Variants in RBM48 observed in about 807,000 individuals in gnomAD.
RBM48 encodes RNA-binding protein 48.
A neutral mutation model predicts 34.8 loss-of-function variants in RBM48; 32 were observed. The observed-to-expected ratio is 0.92, with a 90% CI of 0.69 to 1.23. RBM48 has a LOEUF of 1.23. Among genes scored for constraint, RBM48 ranks in the 50% most tolerant of loss-of-function variants. The probability of loss-of-function intolerance (pLI) is 0.00; values close to 1 mark genes in which losing one functional copy is unlikely to be tolerated. For synonymous variants in RBM48, 151 were observed against 156.2 expected, an observed-to-expected ratio of 0.97 and a Z score of 0.25; for missense variants, 441 against 447.2, an observed-to-expected ratio of 0.99 and a Z score of 0.12.
chr7:92,531,215 ACTT>A (rs1244444935), intron 2 of RBM48, among the ~76,000 whole-genome samples: 3 of 152,170 alleles, frequency 2.0e-5, no homozygotes, highest in Admixed American at 6.5e-5. Context: ...GGACCTATCT[ACTT>A]CTTGGGGTTG....
At chr7:92,534,083 AG>A in intron 3 of RBM48, among the ~76,000 whole-genome samples, 1 of 152,244 alleles carries the variant, frequency 6.6e-6, no homozygotes, top group East Asian at 1.9e-4. Flanking sequence ...GTTATCTTAA[AG>A]TGGGGAGAAA....
intron 3 of RBM48, among the ~76,000 whole-genome samples, chr7:92,533,156 G>A (rs1793617521): frequency 6.6e-6 from 1 of 152,210 alleles, no homozygotes; most frequent in East Asian, 1.9e-4. Flanking sequence ...AATAAAGTGG[G>A]AAAACTCTTG....
rs757980042 is a variant in RBM48, at chr7:92,536,892, A to T, written c.1059A>T (p.Glu353Asp). The change falls in exon 5 of 5, where the codon GAA becomes GAT. Residue 353 changes from glutamate to aspartate, a missense_variant. Glu to Asp is a conservative substitution (Grantham distance 45). Transcript: ENST00000265732. ...SVPKPPEDKP[E>D]DVHTSHPLKQ... ...CAAAGCCTCCAGAGGACAAGCCAGA[A>T]GATGTACATACAAGTCATCCATTAA... The T allele has an allele frequency of 6.2e-7, 1 of 1,610,320 alleles. No homozygotes were observed. The highest frequency in any genetic ancestry group is 1.7e-5 in the Admixed American group (1 of 59,462).
In RBM48 at chr7:92,539,180, A is replaced by G. The variant is rs1793799940; in HGVS notation, c.*2243A>G. On this transcript the variant is annotated 3_prime_UTR_variant, in exon 5 of 5. Coordinates refer to ENST00000265732, the MANE Select transcript of RBM48 (RefSeq NM_032120.4). The stretch of plus-strand genomic sequence containing the variant: ...CAGCTGAAGAACGGTTGGCTGTTCC[A>G]TCCTAAGCAGTTACTCTGATCTAGT... Among the ~76,000 whole-genome samples the G allele has an allele frequency of 6.6e-6, 1 of 152,194 alleles. No individual in the cohort carries two copies. Among genetic ancestry groups the G allele is most frequent in the Non-Finnish European group, 1.5e-5 (1 of 68,042 alleles).
chr7:92,535,161 C>G lies in RBM48; in HGVS notation c.1017+191C>G, dbSNP rs1168211866. The G allele has an allele frequency of 4.9e-6, 7 of 1,426,122 alleles. 1 individual carries two copies. The highest frequency in any genetic ancestry group is 5.5e-6 in the Non-Finnish European group (6 of 1,093,512). The allele number at this position is 1,426,122 out of a possible 1,614,324, so 88.3% of individuals were successfully genotyped here. A position where few individuals can be genotyped will look rare whatever the true frequency, so the allele number is the denominator to read the frequency against. ...ATTTGCTTTAAACTGTTAATACTTG[C>G]TTTAAACAATGAACAGACATTTTAT... On this transcript the variant is annotated intron_variant, in intron 4 of 4. Coordinates refer to ENST00000265732, the MANE Select transcript of RBM48 (RefSeq NM_032120.4).
intron 3 of RBM48, among the ~76,000 whole-genome samples, 199 bp downstream of exon 3, chr7:92,532,748 T>G (rs146865150): frequency 1.3e-5 from 2 of 152,324 alleles, no homozygotes; most frequent in African/African-American, 4.8e-5. Context: ...GAAGACTTCC[T>G]ATAGTATGTG....
In RBM48 at chr7:92,535,098, A is replaced by C. The variant is rs750012151; in HGVS notation, c.1017+128A>C. Reference sequence around the variant, plus strand: ...TTAGTGTTTTGATGTGTTTTTCTACAGTTCTCTGTTGAAATAACTGAATTT... The same window carrying C: ...TTAGTGTTTTGATGTGTTTTTCTACCGTTCTCTGTTGAAATAACTGAATTT... On this transcript the variant is annotated intron_variant, in intron 4 of 4. Coordinates refer to ENST00000265732, the MANE Select transcript of RBM48 (RefSeq NM_032120.4). The C allele has an allele frequency of 2.0e-5, 29 of 1,476,012 alleles. 1 individual carries two copies. The South Asian group carries it at 3.7e-4, about 19-fold the overall frequency. 91.4% of individuals were successfully genotyped at this position (1,476,012 alleles called of 1,614,324 possible).
At chr7:92,533,957 T>G (rs907814140) in intron 3 of RBM48, among the ~76,000 whole-genome samples, 3 of 136,260 alleles carry the variant, frequency 2.2e-5, no homozygotes, top group African/African-American at 8.5e-5. Context: ...AGTGGAATAC[T>G]CTGAAATTGT....
In RBM48 at chr7:92,534,964, TAAAGAG is replaced by T; in HGVS notation, c.1012_1017del (p.Lys338_Glu339del). On this transcript the variant is annotated inframe_deletion and splice_region_variant, in exon 4 of 5. Transcript: ENST00000265732. ...CGGCGAATTTAATTCGGCATAAACT[TAAAGAG>T]GTAAGGTTATTTTTAAAAAACTATT... 1 of 1,614,054 alleles carries T rather than the reference TAAAGAG, an allele frequency of 6.2e-7. No homozygotes were observed. The highest frequency in any genetic ancestry group is 8.5e-7 in the Non-Finnish European group (1 of 1,179,968).
intron 2 of RBM48, among the ~76,000 whole-genome samples, 194 bp from the exon 3 acceptor site, chr7:92,532,210 C>T (rs1283962484): frequency 1.3e-5 from 2 of 152,142 alleles, no homozygotes; most frequent in African/African-American, 4.8e-5. Flanking sequence ...AGGGGAGGCT[C>T]TACGAGTACA....
rs12536377 is a variant in RBM48 at position 92,533,980 on chromosome 7, A to C, written c.449-422A>C. Among the ~76,000 whole-genome samples the C allele has an allele frequency of 1.6e-3, 238 of 152,084 alleles. 4 individuals are homozygous for C. Among genetic ancestry groups the C allele is most frequent in the Admixed American group, 0.012 (184 of 15,276 alleles). ...ACTCTGAAATTGTAAAAAAAAAAAAAAAAAAAAAACCTTTCTATATAATGA... is the reference window on the plus strand; with the variant it reads ...ACTCTGAAATTGTAAAAAAAAAAAACAAAAAAAAACCTTTCTATATAATGA... On this transcript the variant is annotated intron_variant, in intron 3 of 4. Coordinates refer to ENST00000265732, the MANE Select transcript of RBM48 (RefSeq NM_032120.4).
chr7:92,532,415 G>T lies in RBM48; in HGVS notation c.314G>T (p.Arg105Ile). 2.5e-6 allele frequency: 4 copies of T among 1,610,024 alleles called. No homozygotes were observed. The highest frequency in any genetic ancestry group is 3.4e-6 in the Non-Finnish European group (4 of 1,178,344). ...MNLQSARTAK[R>I]KMDEQSFFGG... ...GTATTTCCATTCAGGACAGCCAAGA[G>T]AAAAATGGATGAACAGAGTTTCTTC... Residue 105 changes from arginine to isoleucine, a missense_variant, in exon 3 of 5, where the codon AGA becomes ATA. Coordinates refer to ENST00000265732, the MANE Select transcript of RBM48 (RefSeq NM_032120.4).
Position 92,537,030 on chromosome 7 carries a change from T to A in RBM48, c.*93T>A. On this transcript the variant is annotated 3_prime_UTR_variant, in exon 5 of 5. Transcript: ENST00000265732. ...ATTCTTCAAGAGATTTTACTGCTGG[T>A]ATTTTTTAATGCACTCCTCTTTGTA... 1 of 856,284 alleles carries A rather than the reference T, an allele frequency of 1.2e-6. No homozygotes were observed. Among genetic ancestry groups the A allele is most frequent in the Non-Finnish European group, 1.8e-6 (1 of 562,744 alleles). The allele number at this position is 856,284 out of a possible 1,614,324, so 53.0% of individuals were successfully genotyped here.
chr7:92,532,578 C>A, intron 3 of RBM48, 29 bp downstream of exon 3: 2 of 1,546,948 alleles, frequency 1.3e-6, no homozygotes, highest in Non-Finnish European at 8.9e-7. Context: ...TAAATGCCTC[C>A]TGTGTGTCAG....
chr7:92,532,440 C>T lies in RBM48; in HGVS notation c.339C>T (p.Phe113=), dbSNP rs749173324. ...AKRKMDEQSF[F]GGLLHVCYAP... ...GAAAAATGGATGAACAGAGTTTCTT[C>T]GGTGGATTGCTTCATGTGTGCTATG... Residue 113 remains phenylalanine, a synonymous_variant, in exon 3 of 5, where the codon TTC becomes TTT. Transcript: ENST00000265732. 33 of 1,610,390 alleles carry T rather than the reference C, an allele frequency of 2.0e-5. No individual in the cohort carries two copies. The highest frequency in any genetic ancestry group is 2.7e-5 in the Non-Finnish European group (32 of 1,178,020).
intron 4 of RBM48, chr7:92,535,719 A>G: frequency 1.0e-6 from 1 of 984,572 alleles, no homozygotes; most frequent in Non-Finnish European, 1.2e-6. Context: ...TTACAATGTG[A>G]TTAAGGGAGG....
intron 2 of RBM48, among the ~76,000 whole-genome samples, chr7:92,530,890 G>A (rs1041794970): frequency 1.3e-5 from 2 of 152,000 alleles, no homozygotes; most frequent in African/African-American, 4.8e-5. Context: ...GACCAGACTG[G>A]CCAACATGGC....
chr7:92,536,483 C>A, intron 4 of RBM48: 1 of 987,914 alleles, frequency 1.0e-6, no homozygotes, highest in Non-Finnish European at 1.2e-6. Flanking sequence ...AGGTTTTCAT[C>A]CCCCCAAATC....
At chr7:92,529,409 A>G (rs1178345390) in intron 1 of RBM48, 67 bp from the exon 2 acceptor site, 1 of 957,852 alleles carries the variant, frequency 1.0e-6, no homozygotes, top group Non-Finnish European at 1.6e-6. Flanking sequence ...TCTTTAAAAA[A>G]AAATAGAGGC....
Sources: gnomAD v4.1 joint callset for allele counts (sites outside exome capture counted in the v4.1 genomes callset) on GRCh38, gnomAD v4.1.1 for gene constraint, MANE v1.5 for transcripts, NCBI Gene and HGNC (gene_info 2026-07-23, HGNC 2026-07-21) for gene names.